The following COL25A1 variants were observed in gnomAD, a reference collection of about 807,000 sequenced individuals.
COL25A1 encodes the protein collagen alpha-1(XXV) chain.
In COL25A1, 103 loss-of-function variants were observed where a neutral mutation model predicts 128.4. The ratio of observed to expected loss-of-function variants is 0.80; its 90% CI spans 0.68 to 0.94. The LOEUF (loss-of-function observed/expected upper bound fraction) is 0.94. COL25A1 is among the 40% of genes least tolerant of loss of function. The probability of loss-of-function intolerance (pLI) is 0.00; values close to 1 mark genes in which losing one functional copy is unlikely to be tolerated. For synonymous variants in COL25A1, 279 were observed against 277.2 expected, an observed-to-expected ratio of 1.01 and a Z score of -0.06; for missense variants, 745 against 840.0, an observed-to-expected ratio of 0.89 and a Z score of 1.40.
At chr4:108,958,430 T>C (rs1258943229) in intron 8 of COL25A1, among the ~76,000 whole-genome samples, 3 of 152,158 alleles carry the variant, frequency 2.0e-5, no homozygotes, top group South Asian at 4.1e-4. Flanking sequence ...TGAAAACATA[T>C]GCAACTAAAT....
At chr4:109,286,473 C>A (rs1037392501) in intron 3 of COL25A1, among the ~76,000 whole-genome samples, 1 of 152,130 alleles carries the variant, frequency 6.6e-6, no homozygotes, top group Non-Finnish European at 1.5e-5. Context: ...CCTGACTGTT[C>A]TGACTACCCT....
At chr4:109,126,291 T>C (rs562663427) in intron 3 of COL25A1, among the ~76,000 whole-genome samples, 2 of 152,306 alleles carry the variant, frequency 1.3e-5, no homozygotes, top group East Asian at 3.9e-4. Context: ...TTATTTTGTA[T>C]ATAACTTCTT....
intron 3 of COL25A1, among the ~76,000 whole-genome samples, chr4:109,117,480 T>C (rs545609353): frequency 6.6e-6 from 1 of 152,100 alleles, no homozygotes; most frequent in East Asian, 1.9e-4. Context: ...TTGCTGCCAG[T>C]GGAACCACCT....
In COL25A1 at chr4:108,886,483, TGTGTGTG is replaced by T. The variant is rs746143907; in HGVS notation, c.976-2268_976-2262del. ...GTGTGTGTGTGTGTGTGTGTGTGTG[TGTGTGTG>T]TGTTTAGCTCATCAGCTATTTTATG... On this transcript the variant is annotated intron_variant, in intron 18 of 37. Coordinates refer to ENST00000399132, the MANE Select transcript of COL25A1 (RefSeq NM_198721.4). 2.7e-3 allele frequency among the ~76,000 whole-genome samples: 368 copies of T among 133,968 alleles called. 13 individuals are homozygous for T. The highest frequency in any genetic ancestry group is 9.0e-3 in the African/African-American group (330 of 36,652). 87.9% of individuals were successfully genotyped at this position (133,968 alleles called of 152,430 possible).
At chr4:108,939,303 T>C (rs1272691347) in intron 10 of COL25A1, among the ~76,000 whole-genome samples, 1 of 152,200 alleles carries the variant, frequency 6.6e-6, no homozygotes, top group Non-Finnish European at 1.5e-5. Context: ...TAGAAGACAG[T>C]TACAGAATTC....
At chr4:109,026,887 G>A (rs146051253) in intron 5 of COL25A1, among the ~76,000 whole-genome samples, 1 of 152,360 alleles carries the variant, frequency 6.6e-6, no homozygotes, top group African/African-American at 2.4e-5. Flanking sequence ...TATATAAGAT[G>A]AGAAGAAAGA....
chr4:109,094,871 A>G (rs1462028123), intron 3 of COL25A1, among the ~76,000 whole-genome samples: 1 of 152,214 alleles, frequency 6.6e-6, no homozygotes, highest in Admixed American at 6.5e-5. Flanking sequence ...CAAAACTACA[A>G]AAAGTAAAGC....
At chr4:108,846,300 T>A in intron 27 of COL25A1, 81 bp from the exon 28 acceptor site, 2 of 847,606 alleles carry the variant, frequency 2.4e-6, no homozygotes, top group Non-Finnish European at 4.0e-6. Flanking sequence ...AGAATTCCGA[T>A]CAATTTCGTT....
intron 11 of COL25A1, among the ~76,000 whole-genome samples, chr4:108,922,837 C>T (rs983025367): frequency 1.3e-5 from 2 of 152,142 alleles, no homozygotes; most frequent in African/African-American, 2.4e-5. Context: ...GAATACATGT[C>T]TTATAGAATT....
At chr4:109,232,259 T>C (rs1779209041) in intron 3 of COL25A1, among the ~76,000 whole-genome samples, 1 of 152,196 alleles carries the variant, frequency 6.6e-6, no homozygotes, top group East Asian at 1.9e-4. Context: ...TGGCACAATA[T>C]ACTTAGAATT....
chr4:108,938,345 A>AT (rs1747682382), intron 10 of COL25A1, among the ~76,000 whole-genome samples: 1 of 152,186 alleles, frequency 6.6e-6, no homozygotes, highest in African/African-American at 2.4e-5. Context: ...GGCTAAAAAT[A>AT]TTTTTGTCTT....
At chr4:109,293,777 C>T (rs1350084673) in intron 3 of COL25A1, among the ~76,000 whole-genome samples, 1 of 152,008 alleles carries the variant, frequency 6.6e-6, no homozygotes, top group Non-Finnish European at 1.5e-5. Context: ...AAATGCGCTT[C>T]AAATCTCATA....
At chr4:109,123,747 T>C (rs905854644) in intron 3 of COL25A1, among the ~76,000 whole-genome samples, 10 of 152,118 alleles carry the variant, frequency 6.6e-5, no homozygotes, top group East Asian at 3.9e-4. Context: ...TATGCAATTA[T>C]TCTAAGGTGT....
At chr4:109,105,525 G>T (rs1187373101) in intron 3 of COL25A1, among the ~76,000 whole-genome samples, 1 of 152,034 alleles carries the variant, frequency 6.6e-6, no homozygotes, top group African/African-American at 2.4e-5. Flanking sequence ...TCTAAATTCT[G>T]CTCTCTCATT....
At chr4:108,989,387 T>C (rs1345154899) in intron 6 of COL25A1, among the ~76,000 whole-genome samples, 1 of 152,178 alleles carries the variant, frequency 6.6e-6, no homozygotes, top group East Asian at 1.9e-4. Flanking sequence ...AGTAGCCCCA[T>C]AGCTTAGGTT....
rs540977889 is a variant in COL25A1, at chr4:109,235,846, G to T, written c.367+64737C>A. On this transcript the variant is annotated intron_variant, in intron 3 of 37. Transcript: ENST00000399132. ...AGGTGTAATTTCATCTATGGTGAAG[G>T]TATTCATTATCTATTTATAGCAAAG... Among the ~76,000 whole-genome samples the T allele has an allele frequency of 7.9e-5, 12 of 152,118 alleles. No homozygotes were observed. The East Asian group carries it at 2.1e-3, about 27-fold the overall frequency.
At chr4:108,918,474 T>A (rs1745123005) in intron 12 of COL25A1, among the ~76,000 whole-genome samples, 2 of 152,208 alleles carry the variant, frequency 1.3e-5, no homozygotes, top group African/African-American at 2.4e-5. Flanking sequence ...CATGATAAAT[T>A]GGTCATACCT....
At chr4:109,059,236 A>G (rs979785104) in intron 3 of COL25A1, among the ~76,000 whole-genome samples, 14 of 152,200 alleles carry the variant, frequency 9.2e-5, no homozygotes, top group African/African-American at 3.1e-4. Flanking sequence ...TGTGATCTCA[A>G]TACAATTTTG....
At chr4:108,994,739 G>A (rs1379180679) in intron 6 of COL25A1, among the ~76,000 whole-genome samples, 2 of 152,168 alleles carry the variant, frequency 1.3e-5, no homozygotes, top group Non-Finnish European at 2.9e-5. Context: ...ATACAGGCGG[G>A]TGCCCCTCTG....
Sources: allele counts gnomAD v4.1 joint callset (sites outside exome capture counted in the v4.1 genomes callset), GRCh38; gene constraint gnomAD v4.1.1; transcripts MANE v1.5; gene names NCBI Gene and HGNC (gene_info 2026-07-23, HGNC 2026-07-21).